UNC5D: variants seen among roughly 807,000 people sequenced by gnomAD.
The protein encoded by UNC5D is unc-5 netrin receptor D.
A neutral mutation model predicts 105.4 loss-of-function variants in UNC5D; 39 were observed. The observed-to-expected ratio is 0.37, with a 90% confidence interval of 0.29 to 0.48. The LOEUF (loss-of-function observed/expected upper bound fraction) is 0.48, where lower values mean the gene tolerates loss of function less well. Ranked by LOEUF, UNC5D falls within the 20% of genes least tolerant of loss-of-function variation. The pLI, the probability that UNC5D is intolerant of heterozygous loss-of-function variation, is 0.98. For missense variants in UNC5D, 991 were observed against 1,202.4 expected, an observed-to-expected ratio of 0.82 and a Z score of 2.60; for synonymous variants, 452 against 450.4, an observed-to-expected ratio of 1.00 and a Z score of -0.04.
At chr8:35,762,977 C>T (rs1801609043) in intron 14 of UNC5D, among the ~76,000 whole-genome samples, 1 of 152,126 alleles carries the variant, frequency 6.6e-6, no homozygotes, top group African/African-American at 2.4e-5. Flanking sequence ...CTTTAAACAC[C>T]CATAACTTTG....
At chr8:35,515,937 T>C (rs1026298033) in intron 1 of UNC5D, among the ~76,000 whole-genome samples, 1 of 152,144 alleles carries the variant, frequency 6.6e-6, no homozygotes, top group African/African-American at 2.4e-5. Flanking sequence ...CCCTGGATAA[T>C]GACACCCTGA....
At chr8:35,345,312 A>C (rs1412732745) in intron 1 of UNC5D, among the ~76,000 whole-genome samples, 1 of 151,970 alleles carries the variant, frequency 6.6e-6, no homozygotes, top group Non-Finnish European at 1.5e-5. Context: ...CGGCAGAGAA[A>C]ATAACACAAA....
rs540732840 is a variant in UNC5D, at chr8:35,596,793, G to A, written c.570+1136G>A. Among the ~76,000 whole-genome samples the A allele has an allele frequency of 5.9e-5, 9 of 152,304 alleles. No homozygotes were observed. In the South Asian group the frequency reaches 1.9e-3, roughly 32 times the overall value. On this transcript the variant is annotated intron_variant, in intron 4 of 16. Coordinates refer to ENST00000404895, the MANE Select transcript of UNC5D (RefSeq NM_080872.4). ...TTTCTGATTAGCCTCTCCAAAGGAT[G>A]CGATCAGATATGCATTTATCTCAGT...
intron 3 of UNC5D, among the ~76,000 whole-genome samples, chr8:35,587,289 C>G (rs1257957227): frequency 6.6e-6 from 1 of 151,804 alleles, no homozygotes; most frequent in Non-Finnish European, 1.5e-5. Context: ...TTCAAACACA[C>G]ACACACACAC....
At chr8:35,337,154 T>A (rs116566710) in intron 1 of UNC5D, among the ~76,000 whole-genome samples, 2,330 of 152,246 alleles carry the variant, frequency 0.015, 67 homozygotes, top group African/African-American at 0.054. Flanking sequence ...TATCTTAATT[T>A]TGTCTTTTTC....
At chr8:35,726,654 G>A in intron 10 of UNC5D, 125 bp downstream of exon 10, 1 of 1,417,836 alleles carries the variant, frequency 7.1e-7, no homozygotes, top group Admixed American at 2.1e-5. Flanking sequence ...AAACACTGCG[G>A]CTCCACTAGT....
chr8:35,600,043 A>G (rs1819753882), intron 4 of UNC5D, among the ~76,000 whole-genome samples: 1 of 152,104 alleles, frequency 6.6e-6, no homozygotes, highest in South Asian at 2.1e-4. Context: ...ATGAGTGAGA[A>G]CATGAGGTGT....
intron 1 of UNC5D, among the ~76,000 whole-genome samples, chr8:35,418,050 C>T (rs1340068620): frequency 6.6e-6 from 1 of 152,092 alleles, no homozygotes. Flanking sequence ...AATTCCATGA[C>T]CTTTCCTTTT....
intron 1 of UNC5D, among the ~76,000 whole-genome samples, chr8:35,407,475 G>A (rs990779175): frequency 6.6e-6 from 1 of 152,048 alleles, no homozygotes; most frequent in African/African-American, 2.4e-5. Flanking sequence ...GAGGAGTCCC[G>A]GAAGTTGCAC....
intron 1 of UNC5D, among the ~76,000 whole-genome samples, chr8:35,238,834 G>C (rs1802629034): frequency 6.6e-6 from 1 of 152,082 alleles, no homozygotes; most frequent in Admixed American, 6.5e-5. Context: ...TAATAGTCTT[G>C]TGATTTACAC....
chr8:35,613,224 G>A (rs962542142), intron 4 of UNC5D, among the ~76,000 whole-genome samples: 6 of 152,162 alleles, frequency 3.9e-5, no homozygotes, highest in African/African-American at 9.7e-5. Context: ...ACCACTACGC[G>A]CCATCATGCC....
chr8:35,438,461 T>G (rs2128981514), intron 1 of UNC5D, among the ~76,000 whole-genome samples: 1 of 152,158 alleles, frequency 6.6e-6, no homozygotes, highest in South Asian at 2.1e-4. Context: ...GGGGCACTAT[T>G]AGTAATCATG....
chr8:35,388,305 A>G (rs944734866), intron 1 of UNC5D, among the ~76,000 whole-genome samples: 3 of 152,092 alleles, frequency 2.0e-5, no homozygotes, highest in Non-Finnish European at 2.9e-5. Context: ...TGGAGGTTAC[A>G]ATGAGCCAAG....
chr8:35,657,080 G>GTATATATATATATATATA (rs3077002), intron 4 of UNC5D, among the ~76,000 whole-genome samples: 2 of 46,516 alleles, frequency 4.3e-5, no homozygotes, highest in Admixed American at 2.6e-4. Flanking sequence ...GTGTGTGTGT[G>GTATATATATATATATATA]TATATATATA....
intron 1 of UNC5D, among the ~76,000 whole-genome samples, chr8:35,516,631 A>T (rs956195424): frequency 2.6e-5 from 4 of 152,262 alleles, no homozygotes; most frequent in African/African-American, 9.6e-5. Context: ...TTTCCTCCTA[A>T]CACTTTCTCT....
rs554147742 is a variant in UNC5D, at chr8:35,450,897, C to T, written c.104-98395C>T. On this transcript the variant is annotated intron_variant, in intron 1 of 16. Coordinates refer to ENST00000404895, the MANE Select transcript of UNC5D (RefSeq NM_080872.4). ...GTCCAATGATAGGCTAAAGTAAGTGCTCTGAGCACCTTTAAAGTAGACTAG... is the reference window on the plus strand; with the variant it reads ...GTCCAATGATAGGCTAAAGTAAGTGTTCTGAGCACCTTTAAAGTAGACTAG... 1.3e-5 allele frequency among the ~76,000 whole-genome samples: 2 copies of T among 152,180 alleles called. 1 individual carries two copies. Among genetic ancestry groups the T allele is most frequent in the South Asian group, 4.2e-4 (2 of 4,812 alleles).
At chr8:35,336,460 C>T (rs1811050386) in intron 1 of UNC5D, among the ~76,000 whole-genome samples, 1 of 152,236 alleles carries the variant, frequency 6.6e-6, no homozygotes, top group East Asian at 1.9e-4. Context: ...TATCATTGCT[C>T]AAGGAGAGGT....
intron 1 of UNC5D, among the ~76,000 whole-genome samples, chr8:35,364,815 T>C (rs2128920648): frequency 6.6e-6 from 1 of 152,334 alleles, no homozygotes; most frequent in Middle Eastern, 3.4e-3. Context: ...ATTGTGGAAG[T>C]TGGCTACCAT....
intron 4 of UNC5D, among the ~76,000 whole-genome samples, chr8:35,596,573 G>A (rs911353122): frequency 1.3e-5 from 2 of 152,138 alleles, no homozygotes; most frequent in African/African-American, 2.4e-5. Flanking sequence ...TGTGCCCAAT[G>A]TGGTCAGAGC....
Sources: gnomAD v4.1 joint callset for allele counts (sites outside exome capture counted in the v4.1 genomes callset) on GRCh38, gnomAD v4.1.1 for gene constraint, MANE v1.5 for transcripts, NCBI Gene and HGNC (gene_info 2026-07-23, HGNC 2026-07-21) for gene names.